ZFP64: variants seen among roughly 807,000 people sequenced by gnomAD.
ZFP64 encodes the protein zinc finger protein 64.
In ZFP64, 14 loss-of-function variants were observed where a neutral mutation model predicts 51.6. That is an observed-to-expected ratio of 0.27 (90% CI 0.18 to 0.42). ZFP64 has a LOEUF of 0.42. Ranked by LOEUF, ZFP64 falls within the 10% of genes least tolerant of loss-of-function variation. The pLI is 1.00. For missense variants in ZFP64, 754 were observed against 906.8 expected (o/e 0.83, Z 2.16); for synonymous variants, 375 against 361.4 (o/e 1.04, Z -0.43).
chr20:52,099,123 C>T (rs1214965524), intron 5 of ZFP64, among the ~76,000 whole-genome samples: 1 of 151,788 alleles, frequency 6.6e-6, no homozygotes, highest in Non-Finnish European at 1.5e-5. Context: ...GGGAAACTGG[C>T]AAAATCTAAA....
chr20:52,084,755 G>T, exon 9 of ZFP64: 1 of 1,614,256 alleles, frequency 6.2e-7, no homozygotes, highest in South Asian at 1.1e-5. Context: ...TCTCACAGCG[G>T]AAGGCCCTCT....
At chr20:52,094,738 A>AAAATAAAT (rs138950441) in intron 7 of ZFP64, among the ~76,000 whole-genome samples, 119 of 151,026 alleles carry the variant, frequency 7.9e-4, no homozygotes, top group African/African-American at 1.1e-3. Context: ...ACCCTGTCTC[A>AAAATAAAT]AAATAAATAA....
At chr20:52,172,985 T>G (rs747284932) in intron 2 of ZFP64, among the ~76,000 whole-genome samples, 6 of 152,174 alleles carry the variant, frequency 3.9e-5, no homozygotes, top group Non-Finnish European at 8.8e-5. Context: ...TGATGTTGTT[T>G]AAAATGTATG....
chr20:52,099,319 CT>C (rs3035409), intron 5 of ZFP64, among the ~76,000 whole-genome samples: 1,710 of 149,964 alleles, frequency 0.011, 28 homozygotes, highest in African/African-American at 0.038. Context: ...CAATGTCAAA[CT>C]TTTTTTTTTT....
At chr20:52,104,383 C>T (rs1011277673) in intron 5 of ZFP64, among the ~76,000 whole-genome samples, 2 of 152,194 alleles carry the variant, frequency 1.3e-5, no homozygotes, top group African/African-American at 4.8e-5. Context: ...GATCTCCTTG[C>T]TACATCCTGT....
chr20:52,189,166 C>T (rs763966836), intron 1 of ZFP64, among the ~76,000 whole-genome samples: 7 of 151,814 alleles, frequency 4.6e-5, no homozygotes, highest in African/African-American at 7.3e-5. Flanking sequence ...TTTGGGAAGC[C>T]GAGATGGGTG....
intron 5 of ZFP64, among the ~76,000 whole-genome samples, chr20:52,125,937 A>T (rs912140468): frequency 6.6e-6 from 1 of 151,752 alleles, no homozygotes. Flanking sequence ...GCTGGAGTGC[A>T]GTAGTGCCAT....
At chr20:52,127,708 G>C (rs1451824436) in intron 5 of ZFP64, among the ~76,000 whole-genome samples, 2 of 152,198 alleles carry the variant, frequency 1.3e-5, no homozygotes, top group Non-Finnish European at 2.9e-5. Context: ...AGCAAGACAA[G>C]AAGACAGGAT....
intron 5 of ZFP64, among the ~76,000 whole-genome samples, chr20:52,104,323 G>C (rs1342282622): frequency 6.6e-6 from 1 of 152,198 alleles, no homozygotes; most frequent in Admixed American, 6.5e-5. Flanking sequence ...CTTCTGAAGC[G>C]GAGGATCCCG....
rs998473525 is a variant in ZFP64, at chr20:52,105,100, C to T, written c.764-6513G>A. ...AGAACCTCTGAGCACCGGCCCCCAG[C>T]CCCCGGGCGGGGCTCCAGCGGCGCT... is the stretch of plus-strand genomic sequence containing the variant. On this transcript the variant is annotated intron_variant, in intron 5 of 8. Transcript: ENST00000361387. 7 of 1,393,424 alleles carry T rather than the reference C, an allele frequency of 5.0e-6. No homozygotes were observed. In the South Asian group the frequency reaches 6.6e-5, roughly 13 times the overall value. The allele number at this position is 1,393,424 out of a possible 1,614,324, so 86.3% of individuals were successfully genotyped here.
At chr20:52,097,585 G>C (rs1025031026) in intron 6 of ZFP64, 8 of 685,848 alleles carry the variant, frequency 1.2e-5, no homozygotes, top group South Asian at 3.8e-5. Flanking sequence ...CTCCTGAGTA[G>C]CTGGGATTAC....
intron 2 of ZFP64, among the ~76,000 whole-genome samples, chr20:52,181,974 CA>C (rs1322486361): frequency 6.6e-6 from 1 of 152,204 alleles, no homozygotes; most frequent in Non-Finnish European, 1.5e-5. Flanking sequence ...GCAGCTGAGT[CA>C]GACGGAGACA....
chr20:52,115,489 A>T (rs187831226), intron 5 of ZFP64, among the ~76,000 whole-genome samples: 16 of 140,584 alleles, frequency 1.1e-4, no homozygotes, highest in East Asian at 8.6e-4. Flanking sequence ...ATCATGGCCC[A>T]CTGAAACCTT....
intron 5 of ZFP64, among the ~76,000 whole-genome samples, chr20:52,140,765 T>C (rs1980214418): frequency 6.6e-6 from 1 of 152,110 alleles, no homozygotes; most frequent in East Asian, 1.9e-4. Flanking sequence ...ACAATAGATT[T>C]TTGTTTATAA....
Position 52,153,225 on chromosome 20 carries a change from G to A in ZFP64, c.967C>T (p.Leu323=). 6.2e-7 allele frequency: 1 copy of A among 1,614,230 alleles called. No homozygotes were observed. The highest frequency in any genetic ancestry group is 8.5e-7 in the Non-Finnish European group (1 of 1,180,040). ...CGGAGGGTGGCTTTGCTGTCACCCA[G>A]GAAGTCGCAATGAGGACACTTGAAG... is the stretch of plus-strand genomic sequence containing the variant. ...NNFKCPHCDF[L]GDSKATLRKH... is the part of the protein sequence containing the mutation. The change falls in exon 6 of 6, where the codon CTG becomes TTG. Residue 323 remains leucine, a synonymous_variant. Coordinates refer to ENST00000216923, the MANE Select transcript of ZFP64 (RefSeq NM_018197.3). The surrounding 1 kb of genome is among the most constrained non-coding windows in gnomAD (Gnocchi z 5.1).
At chr20:52,113,194 C>T (rs1372432422) in intron 5 of ZFP64, among the ~76,000 whole-genome samples, 3 of 151,548 alleles carry the variant, frequency 2.0e-5, no homozygotes, top group Non-Finnish European at 4.4e-5. Flanking sequence ...ATTAGCCAGG[C>T]GTGGTGGCGG....
chr20:52,188,870 A>G (rs1984167162), intron 1 of ZFP64, among the ~76,000 whole-genome samples: 1 of 151,772 alleles, frequency 6.6e-6, no homozygotes. Flanking sequence ...CAGCTACTAG[A>G]GAGGCTGAGG....
chr20:52,105,004 G>A (rs56172316), intron 5 of ZFP64: 205,744 of 1,145,450 alleles, frequency 0.18, 20,436 homozygotes, highest in Non-Finnish European at 0.2. Flanking sequence ...CCGAGTCCCA[G>A]GACTCTGCGC....
At chr20:52,115,313 C>G (rs1333619264) in intron 5 of ZFP64, among the ~76,000 whole-genome samples, 3 of 150,414 alleles carry the variant, frequency 2.0e-5, no homozygotes, top group African/African-American at 7.3e-5. Flanking sequence ...ATATATAGAT[C>G]TAAACACATA....
Sources: gnomAD v4.1 joint callset for allele counts (sites outside exome capture counted in the v4.1 genomes callset) on GRCh38, gnomAD v4.1.1 for gene constraint, Gnocchi (gnomAD v3.1) non-coding constraint, MANE v1.5 for transcripts, NCBI Gene and HGNC (gene_info 2026-07-23, HGNC 2026-07-21) for gene names.